Variants in CALD1 observed in about 807,000 individuals in gnomAD.
The protein encoded by CALD1 is caldesmon 1, also known as caldesmon.
CALD1 carries 33 observed loss-of-function variants against 99.9 expected under a neutral mutation model. The observed-to-expected ratio is 0.33, with a 90% CI of 0.25 to 0.44. The LOEUF (loss-of-function observed/expected upper bound fraction) is 0.44, where lower values mean the gene tolerates loss of function less well. Ranked by LOEUF, CALD1 falls within the 20% of genes least tolerant of loss-of-function variation. The probability of loss-of-function intolerance (pLI) is 1.00; values close to 1 mark genes in which losing one functional copy is unlikely to be tolerated. For synonymous variants in CALD1, 310 were observed against 325.0 expected, an observed-to-expected ratio of 0.95 and a Z score of 0.50; for missense variants, 861 against 962.1, an observed-to-expected ratio of 0.89 and a Z score of 1.39.
intron 2 of CALD1, among the ~76,000 whole-genome samples, chr7:134,846,448 C>T (rs1799857745): frequency 6.6e-6 from 1 of 152,222 alleles, no homozygotes; most frequent in Non-Finnish European, 1.5e-5. Flanking sequence ...CCTCTCTAGG[C>T]CTCACCATCA....
At chr7:134,845,801 CT>C (rs1799828013) in intron 2 of CALD1, among the ~76,000 whole-genome samples, 1 of 152,196 alleles carries the variant, frequency 6.6e-6, no homozygotes, top group Admixed American at 6.5e-5. Flanking sequence ...ATTTTTCCTG[CT>C]AGATAACAGG....
chr7:134,725,092 G>T, the CALD1 span, among the ~76,000 whole-genome samples: 3 of 152,172 alleles, frequency 2.0e-5, no homozygotes, highest in Admixed American at 1.3e-4. Context: ...GTGGCCTAGG[G>T]ATTGCTCCTG....
At chr7:134,759,903 G>A (rs953239432) in intron 1 of CALD1, among the ~76,000 whole-genome samples, 3 of 152,234 alleles carry the variant, frequency 2.0e-5, no homozygotes, top group Non-Finnish European at 2.9e-5. Context: ...CAAGGTGGGC[G>A]ATAAGCAATG....
chr7:134,797,312 G>A lies in CALD1; in HGVS notation c.-130+17563G>A, dbSNP rs941432577. ...GAAAACTTTTTTAAAAGCTTTATCT[G>A]AAACCAAAGCACATAGTGCACAATG... On this transcript the variant is annotated intron_variant, in intron 1 of 14. Coordinates refer to ENST00000361675, the MANE Select transcript of CALD1 (RefSeq NM_033138.4). Among the ~76,000 whole-genome samples the A allele has an allele frequency of 3.9e-5, 6 of 152,198 alleles. No homozygotes were observed. The East Asian group carries it at 9.6e-4, about 24-fold the overall frequency.
At position 134,793,989 on chromosome 7, in the gene CALD1, T is replaced by C. The variant is rs77063807; in HGVS notation, c.-130+14240T>C. The stretch of plus-strand genomic sequence containing the variant: ...CACTTCAATTCTTCTTCTCCCTTGA[T>C]TTCCTTCTTTTGGGTACAGACTGGA... On this transcript the variant is annotated intron_variant, in intron 1 of 14. Coordinates refer to ENST00000361675, the MANE Select transcript of CALD1 (RefSeq NM_033138.4). Among the ~76,000 whole-genome samples the C allele has an allele frequency of 7.4e-3, 1,123 of 152,300 alleles. 18 individuals are homozygous for C. Among genetic ancestry groups the C allele is most frequent in the African/African-American group, 0.026 (1,060 of 41,558 alleles).
intron 7 of CALD1, 116 bp from the exon 8 acceptor site, chr7:134,947,392 T>C: frequency 1.9e-6 from 2 of 1,060,780 alleles, no homozygotes; most frequent in Non-Finnish European, 2.7e-6. Flanking sequence ...CCTGGGCTAA[T>C]GAGAGGCAGT....
At chr7:134,786,950 C>T (rs1797329698) in intron 1 of CALD1, among the ~76,000 whole-genome samples, 1 of 152,132 alleles carries the variant, frequency 6.6e-6, no homozygotes, top group Non-Finnish European at 1.5e-5. Context: ...GATTCTGATT[C>T]GGTAGGTCTA....
intron 3 of CALD1, 186 bp downstream of exon 3, chr7:134,867,990 G>A: frequency 2.5e-6 from 1 of 403,392 alleles, no homozygotes; most frequent in Non-Finnish European, 4.6e-6. Context: ...AAACAAACAA[G>A]AATCAAGAAA....
At chr7:134,786,840 C>T (rs1270954417) in intron 1 of CALD1, among the ~76,000 whole-genome samples, 1 of 152,164 alleles carries the variant, frequency 6.6e-6, no homozygotes, top group Non-Finnish European at 1.5e-5. Context: ...TACAATGCTG[C>T]CCAATCTGCC....
At chr7:134,802,327 G>T (rs1797978357) in intron 1 of CALD1, among the ~76,000 whole-genome samples, 1 of 152,024 alleles carries the variant, frequency 6.6e-6, no homozygotes, top group Admixed American at 6.6e-5. Context: ...GAATCAAATA[G>T]TATATATTTT....
At chr7:134,777,045 A>G (rs984336815), upstream of CALD1, among the ~76,000 whole-genome samples, 5 of 152,218 alleles carry the variant, frequency 3.3e-5, no homozygotes, top group Non-Finnish European at 7.3e-5. Context: ...AATTTCCTAT[A>G]TAAATCTCGT....
intron 1 of CALD1, among the ~76,000 whole-genome samples, chr7:134,781,946 G>T (rs974379591): frequency 6.6e-6 from 1 of 152,184 alleles, no homozygotes; most frequent in African/African-American, 2.4e-5. Context: ...ATTCTAATTG[G>T]CTCCTGTGAC....
intron 1 of CALD1, among the ~76,000 whole-genome samples, chr7:134,792,072 C>T (rs1279932244): frequency 2.6e-5 from 4 of 152,230 alleles, no homozygotes; most frequent in Admixed American, 2.6e-4. Context: ...GGGGACACAG[C>T]CAAACCATAT....
At chr7:134,830,114 T>C (rs897361221) in intron 1 of CALD1, among the ~76,000 whole-genome samples, 2 of 152,114 alleles carry the variant, frequency 1.3e-5, no homozygotes, top group African/African-American at 2.4e-5. Context: ...GTGGAACTTT[T>C]TGTGAGTTAT....
At chr7:134,765,193 T>C (rs556890215) in intron 1 of CALD1, among the ~76,000 whole-genome samples, 17 of 152,038 alleles carry the variant, frequency 1.1e-4, no homozygotes, top group Admixed American at 1.0e-3. Flanking sequence ...TGCACGCCTG[T>C]AATCCCAGTT....
At chr7:134,873,974 C>T (rs1328562508) in intron 3 of CALD1, among the ~76,000 whole-genome samples, 1 of 152,038 alleles carries the variant, frequency 6.6e-6, no homozygotes, top group Non-Finnish European at 1.5e-5. Flanking sequence ...TTGTTTTGCA[C>T]ATCATAGATG....
At chr7:134,835,943 G>A (rs564493361) in intron 1 of CALD1, among the ~76,000 whole-genome samples, 2 of 151,912 alleles carry the variant, frequency 1.3e-5, no homozygotes, top group South Asian at 2.1e-4. Flanking sequence ...TTAGGAGTTC[G>A]AGACCAGCCT....
chr7:134,819,431 CT>C (rs1424659514), intron 1 of CALD1, among the ~76,000 whole-genome samples: 2 of 152,216 alleles, frequency 1.3e-5, no homozygotes, highest in East Asian at 3.8e-4. Context: ...GACTGCAAGC[CT>C]AATAGAACTT....
chr7:134,876,441 T>C (rs1037233429), intron 3 of CALD1, among the ~76,000 whole-genome samples: 4 of 152,238 alleles, frequency 2.6e-5, no homozygotes, highest in African/African-American at 9.6e-5. Flanking sequence ...TTCTACAATG[T>C]ACTGCATGTA....
Sources: allele counts gnomAD v4.1 joint callset (sites outside exome capture counted in the v4.1 genomes callset), GRCh38; gene constraint gnomAD v4.1.1; transcripts MANE v1.5; gene names NCBI Gene and HGNC (gene_info 2026-07-23, HGNC 2026-07-21).